Variants in LHPP observed in about 807,000 individuals in gnomAD.
LHPP encodes hLHPP.
LHPP carries 24 observed loss-of-function variants against 30.3 expected under a neutral mutation model. The ratio of observed to expected loss-of-function variants is 0.79; its 90% confidence interval spans 0.57 to 1.11. LHPP has a LOEUF of 1.11. Among genes scored for constraint, LHPP ranks in the 50% most tolerant of loss-of-function variants. The pLI is 0.00. For missense variants in LHPP, 356 were observed against 367.2 expected, an observed-to-expected ratio of 0.97 and a Z score of 0.25; for synonymous variants, 150 against 157.1, an observed-to-expected ratio of 0.95 and a Z score of 0.34.
chr10:124,572,450 CT>C (rs1428919853), intron 6 of LHPP, among the ~76,000 whole-genome samples: 2 of 152,018 alleles, frequency 1.3e-5, no homozygotes, highest in East Asian at 3.9e-4. Flanking sequence ...GGCCAATATG[CT>C]GAAACCCTGT....
chr10:124,581,868 G>A (rs1005653333), intron 6 of LHPP, among the ~76,000 whole-genome samples: 14 of 150,806 alleles, frequency 9.3e-5, no homozygotes, highest in African/African-American at 2.9e-4. Flanking sequence ...TGCAAGCTCC[G>A]CCTCCTGGGT....
At chr10:124,553,326 C>G (rs1297471174) in intron 6 of LHPP, among the ~76,000 whole-genome samples, 1 of 152,126 alleles carries the variant, frequency 6.6e-6, no homozygotes, top group Non-Finnish European at 1.5e-5. Context: ...ATGTGGGGAG[C>G]ATATGGGGCT....
intron 5 of LHPP, chr10:124,498,603 C>A (rs1589797141): frequency 1.3e-6 from 1 of 778,778 alleles, no homozygotes; most frequent in Non-Finnish European, 2.0e-6. Flanking sequence ...TTGTCTACAC[C>A]TACCCCAACC....
rs770219935 is a variant in LHPP at position 124,484,233 on chromosome 10, G to C, written c.220G>C (p.Asp74His). 1 of 1,613,974 alleles carries C rather than the reference G, an allele frequency of 6.2e-7. No homozygotes were observed. The highest frequency in any genetic ancestry group is 1.7e-5 in the Admixed American group (1 of 60,002). Residue 74 changes from aspartate to histidine, a missense_variant, in exon 2 of 7, where the codon GAC becomes CAC. By Grantham distance (81) the Asp-to-His change is moderately conservative (BLOSUM62 -1). Coordinates refer to ENST00000368842, the MANE Select transcript of LHPP (RefSeq NM_022126.4). ...GGGGCAGCTTCAGAGGCTGGGATTT[G>C]ACATCTCTGAGCAGGAGGTGACCGC... Reference protein sequence around the residue: ...LVGQLQRLGFDISEQEVTAPA... With the variant: ...LVGQLQRLGFHISEQEVTAPA...
intron 6 of LHPP, among the ~76,000 whole-genome samples, chr10:124,583,780 C>A (rs1292265503): frequency 1.3e-5 from 2 of 152,290 alleles, no homozygotes; most frequent in East Asian, 3.9e-4. Context: ...CCATGCCCCA[C>A]CTCTAGCATG....
At chr10:124,524,096 T>G (rs1954672555) in intron 6 of LHPP, among the ~76,000 whole-genome samples, 1 of 152,118 alleles carries the variant, frequency 6.6e-6, no homozygotes, top group Non-Finnish European at 1.5e-5. Context: ...GCTGTATAAC[T>G]CAGTGGTTTT....
At chr10:124,599,554 C>T (rs1227141114) in intron 6 of LHPP, among the ~76,000 whole-genome samples, 1 of 152,276 alleles carries the variant, frequency 6.6e-6, no homozygotes, top group African/African-American at 2.4e-5. Flanking sequence ...AGGCAGCTGC[C>T]AGCCCTCCCC....
intron 5 of LHPP, among the ~76,000 whole-genome samples, chr10:124,501,506 G>A (rs1167534386): frequency 6.6e-6 from 1 of 151,258 alleles, no homozygotes; most frequent in Non-Finnish European, 1.5e-5. Context: ...GGAGGCTGAG[G>A]TGGGAGAATT....
At chr10:124,512,114 C>G (rs1191604719) in intron 5 of LHPP, among the ~76,000 whole-genome samples, 3 of 152,182 alleles carry the variant, frequency 2.0e-5, no homozygotes, top group African/African-American at 7.2e-5. Flanking sequence ...GTCTTTAGCA[C>G]TTGTCGTGAG....
chr10:124,501,967 A>G (rs1425451392), intron 5 of LHPP, among the ~76,000 whole-genome samples: 3 of 151,952 alleles, frequency 2.0e-5, no homozygotes, highest in Non-Finnish European at 2.9e-5. Flanking sequence ...CTATGTCAGT[A>G]GAGAGGGCAG....
At chr10:124,602,677 T>C (rs1357403874) in intron 6 of LHPP, among the ~76,000 whole-genome samples, 1 of 152,158 alleles carries the variant, frequency 6.6e-6, no homozygotes, top group African/African-American at 2.4e-5. Context: ...CTCTGGGCCC[T>C]GGGCACCACC....
At chr10:124,474,190 A>C (rs1248538248) in intron 1 of LHPP, among the ~76,000 whole-genome samples, 1 of 119,508 alleles carries the variant, frequency 8.4e-6, no homozygotes, top group African/African-American at 3.3e-5. Context: ...CCTAGGCTGG[A>C]GTGCAGTGGC....
intron 6 of LHPP, among the ~76,000 whole-genome samples, chr10:124,602,999 A>C (rs1949044572): frequency 6.6e-6 from 1 of 152,056 alleles, no homozygotes; most frequent in Non-Finnish European, 1.5e-5. Context: ...GACAGGTGGG[A>C]GGGACAGGGC....
intron 5 of LHPP, among the ~76,000 whole-genome samples, chr10:124,505,242 A>G (rs1483743311): frequency 6.6e-6 from 1 of 152,160 alleles, no homozygotes; most frequent in African/African-American, 2.4e-5. Context: ...AGATAAGGCC[A>G]TTTCAAATGA....
chr10:124,603,346 C>T (rs1186999552), intron 6 of LHPP, among the ~76,000 whole-genome samples: 1 of 152,110 alleles, frequency 6.6e-6, no homozygotes, highest in South Asian at 2.1e-4. Flanking sequence ...CTCCTTGTTA[C>T]AGAGGAGCAG....
At chr10:124,525,334 C>T (rs1388746648) in intron 6 of LHPP, among the ~76,000 whole-genome samples, 3 of 152,162 alleles carry the variant, frequency 2.0e-5, no homozygotes, top group African/African-American at 2.4e-5. Context: ...CCTTCTGGGG[C>T]GGATCTGCTG....
intron 6 of LHPP, among the ~76,000 whole-genome samples, chr10:124,519,167 C>T (rs113310721): frequency 2.0e-5 from 3 of 152,042 alleles, no homozygotes; most frequent in East Asian, 1.9e-4. Flanking sequence ...AGGCTGGTCT[C>T]GAACTCCTGA....
At position 124,541,543 on chromosome 10, in the gene LHPP, G is replaced by A. The variant is rs557537573; in HGVS notation, c.716+24272G>A. ...GCGTTTGGTGTCCCTAGCATATCTC[G>A]AATGGCAGGCTGAGGCTCGAAAGTC... is the stretch of plus-strand genomic sequence containing the variant. On this transcript the variant is annotated intron_variant, in intron 6 of 6. Transcript: ENST00000368842. The surrounding 1 kb of genome is among the most constrained non-coding windows in gnomAD (Gnocchi z 4.2). 3.3e-5 allele frequency among the ~76,000 whole-genome samples: 5 copies of A among 152,202 alleles called. No individual in the cohort carries two copies. The highest frequency in any genetic ancestry group is 1.9e-4 in the East Asian group (1 of 5,180).
rs1400522509 is a variant in LHPP at position 124,576,007 on chromosome 10, A to G, written c.717-37257A>G. On this transcript the variant is annotated intron_variant, in intron 6 of 6. Transcript: ENST00000368842. The surrounding 1 kb of genome is among the most constrained non-coding windows in gnomAD (Gnocchi z 4.2). Reference sequence around the variant, plus strand: ...TCCCTTGGGGCCTGCTGTGATACATACTAATCAGTGCTTCATGAGAAAGGT... The same window carrying G: ...TCCCTTGGGGCCTGCTGTGATACATGCTAATCAGTGCTTCATGAGAAAGGT... Among the ~76,000 whole-genome samples the G allele has an allele frequency of 6.6e-6, 1 of 152,124 alleles. No individual in the cohort carries two copies. Among genetic ancestry groups the G allele is most frequent in the Non-Finnish European group, 1.5e-5 (1 of 68,012 alleles).
Sources: allele counts gnomAD v4.1 joint callset (sites outside exome capture counted in the v4.1 genomes callset), GRCh38; gene constraint gnomAD v4.1.1; non-coding constraint Gnocchi (gnomAD v3.1); transcripts MANE v1.5; gene names NCBI Gene and HGNC (gene_info 2026-07-23, HGNC 2026-07-21).